The following IFNAR2 variants were observed in gnomAD, a reference collection of about 807,000 sequenced individuals.
IFNAR2 encodes the protein interferon alpha/beta receptor 2.
Under a neutral mutation model 49.4 loss-of-function variants are expected in IFNAR2, and 30 were observed. That is an observed-to-expected ratio of 0.61 (90% CI 0.45 to 0.82). IFNAR2 has a LOEUF of 0.82. Among genes scored for constraint, IFNAR2 ranks in the 40% least tolerant of loss-of-function variants. IFNAR2 has a pLI of 0.00. For synonymous variants in IFNAR2, 224 were observed against 234.5 expected, an observed-to-expected ratio of 0.96 and a Z score of 0.41; for missense variants, 600 against 622.7, an observed-to-expected ratio of 0.96 and a Z score of 0.39.
chr21:33,240,171 C>A (rs1986815477), intron 1 of IFNAR2, among the ~76,000 whole-genome samples: 1 of 152,184 alleles, frequency 6.6e-6, no homozygotes, highest in Non-Finnish European at 1.5e-5. Flanking sequence ...TCCTGCAACC[C>A]CTAATGATGT....
chr21:33,263,299 ATCGTC>A lies in IFNAR2; in HGVS notation c.1350_1354del (p.His452GlyfsTer5), dbSNP rs757279248. The A allele has an allele frequency of 6.2e-7, 1 of 1,614,186 alleles. No homozygotes were observed. Among genetic ancestry groups the A allele is most frequent in the South Asian group, 1.1e-5 (1 of 91,086 alleles). Reference sequence around the variant, plus strand: ...ACGACTTAGAAGCCCCTCTGATGCTATCGTCTCATCTGGAAGAGATGGTTGACCCA... The same window carrying A: ...ACGACTTAGAAGCCCCTCTGATGCTATCATCTGGAAGAGATGGTTGACCCA... On this transcript the variant is annotated frameshift_variant, in exon 9 of 9. Transcript: ENST00000342136. LOFTEE classifies it high-confidence loss of function.
intron 7 of IFNAR2, 103 bp from the exon 8 acceptor site, chr21:33,260,494 G>C: frequency 9.0e-7 from 1 of 1,115,504 alleles, no homozygotes; most frequent in Non-Finnish European, 1.3e-6. Context: ...CAAACCTTTG[G>C]TTTCTTGATC....
intron 7 of IFNAR2, among the ~76,000 whole-genome samples, chr21:33,256,693 G>T (rs1988229233): frequency 6.6e-6 from 1 of 152,134 alleles, no homozygotes; most frequent in Admixed American, 6.5e-5. Context: ...TCATTCATTT[G>T]ACAAATGTTT....
At chr21:33,248,896 G>T in intron 6 of IFNAR2, 42 bp downstream of exon 6, 1 of 1,359,298 alleles carries the variant, frequency 7.4e-7, no homozygotes, top group South Asian at 1.4e-5. Flanking sequence ...GTTCTGAGTG[G>T]GCAATCAATG....
chr21:33,248,731 T>G lies in IFNAR2; in HGVS notation c.417T>G (p.Phe139Leu). The change falls in exon 6 of 9, where the codon TTT becomes TTG. Residue 139 changes from phenylalanine (F) to leucine (L), a missense_variant. By Grantham distance (22) the Phe-to-Leu change is conservative (BLOSUM62 0). Transcript: ENST00000342136. ...AIDMSFEPPE[F>L]EIVGFTNHIN... ...CAGTGTCTTTTGAACCACCAGAGTT[T>G]GAGATTGTTGGTTTTACCAACCACA... The G allele has an allele frequency of 6.2e-7, 1 of 1,609,546 alleles. No homozygotes were observed. Among genetic ancestry groups the G allele is most frequent in the Non-Finnish European group, 8.5e-7 (1 of 1,178,396 alleles).
intron 3 of IFNAR2, 86 bp downstream of exon 3, chr21:33,243,800 T>C (rs887820710): frequency 9.3e-6 from 9 of 965,326 alleles, no homozygotes; most frequent in African/African-American, 8.0e-5. Flanking sequence ...ATGTGGGAGA[T>C]TTGATTTCTG....
chr21:33,235,928 AAAAAT>A (rs1030494335), intron 1 of IFNAR2, among the ~76,000 whole-genome samples: 9 of 152,286 alleles, frequency 5.9e-5, no homozygotes, highest in Non-Finnish European at 7.4e-5. Flanking sequence ...CTCTGTCTCA[AAAAAT>A]AAAATAAAAT....
chr21:33,236,777 T>A (rs1986494765), intron 1 of IFNAR2: 7 of 984,456 alleles, frequency 7.1e-6, no homozygotes, highest in Non-Finnish European at 8.4e-6. Context: ...ATAAAATGGT[T>A]AAGAATTTCA....
At position 33,245,052 on chromosome 21, in the gene IFNAR2, A is replaced by G. The variant is rs138445544; in HGVS notation, c.199A>G (p.Thr67Ala). 1.9e-5 allele frequency: 30 copies of G among 1,610,398 alleles called. No homozygotes were observed. The highest frequency in any genetic ancestry group is 2.3e-5 in the Non-Finnish European group (27 of 1,176,730). Residue 67 changes from threonine (T) to alanine (A), a missense_variant, in exon 4 of 9, where the codon ACA becomes GCA. Transcript: ENST00000342136. ...KNHSIVPTHY[T>A]LLYTIMSKPE... ...CCACTCCATTGTACCAACTCACTAT[A>G]CATTGCTGTATACAATCATGAGGTT...
intron 2 of IFNAR2, among the ~76,000 whole-genome samples, chr21:33,242,758 CGTGTGTGTGTGTGTGTGTGT>C (rs375640331): frequency 2.4e-4 from 18 of 76,574 alleles, no homozygotes; most frequent in South Asian, 9.7e-4. Context: ...ATCTCGTGTG[CGTGTGTGTGTGTGTGTGTGT>C]GTGTGTGTGT....
chr21:33,245,163 C>T lies in IFNAR2; in HGVS notation c.221+89C>T, dbSNP rs935285140. On this transcript the variant is annotated intron_variant, in intron 4 of 8. Coordinates refer to ENST00000342136, the MANE Select transcript of IFNAR2 (RefSeq NM_001289125.3). ...GATCTTTTCTCTCTCTCTGTCTCTC[C>T]CTCTCCCTTTTCCTATCTACCTCTC... The T allele has an allele frequency of 6.0e-6, 6 of 1,003,840 alleles. No individual in the cohort carries two copies. The South Asian group carries it at 7.1e-5, about 12-fold the overall frequency. 62.2% of individuals were successfully genotyped at this position (1,003,840 alleles called of 1,614,324 possible).
At chr21:33,252,122 CTGTCTATT>C (rs748300222) in intron 6 of IFNAR2, 13 of 414,094 alleles carry the variant, frequency 3.1e-5, no homozygotes. Context: ...CTATCTATAT[CTGTCTATT>C]GATAAAGGGA....
intron 5 of IFNAR2, among the ~76,000 whole-genome samples, chr21:33,247,902 C>T (rs2834161): frequency 0.66 from 101,058 of 152,076 alleles, 33,968 homozygotes; most frequent in African/African-American, 0.74. Context: ...AATTCGGATA[C>T]GACATTTGCT....
chr21:33,245,102 G>C, intron 4 of IFNAR2, 28 bp downstream of exon 4: 1 of 1,533,418 alleles, frequency 6.5e-7, no homozygotes. Context: ...TTTTCTCTTG[G>C]TAAACATATT....
At chr21:33,257,558 CGCTGATTGGTGCGTTTTAGAGT>C (rs967094278) in intron 7 of IFNAR2, among the ~76,000 whole-genome samples, 31 of 148,236 alleles carry the variant, frequency 2.1e-4, no homozygotes, top group Admixed American at 1.6e-3. Context: ...TTTTACAGAG[CGCTGATTGGTGCGTTTTAGAGT>C]GCTGATTGGT....
At chr21:33,252,609 C>T in intron 6 of IFNAR2, 53 bp from the exon 7 acceptor site, 2 of 1,576,796 alleles carry the variant, frequency 1.3e-6, no homozygotes, top group Non-Finnish European at 1.7e-6. Context: ...GAGATTAAGG[C>T]CTACCTCTAA....
chr21:33,246,216 G>T (rs1320570788), intron 4 of IFNAR2, among the ~76,000 whole-genome samples: 1 of 151,798 alleles, frequency 6.6e-6, no homozygotes, highest in Non-Finnish European at 1.5e-5. Context: ...GACTACAGGC[G>T]CCCGCCACCA....
intron 8 of IFNAR2, among the ~76,000 whole-genome samples, chr21:33,261,146 C>T (rs1988547205): frequency 7.0e-6 from 1 of 143,680 alleles, no homozygotes. Flanking sequence ...AAGCAATTCT[C>T]GTGCCTCAGC....
chr21:33,231,730 T>G lies in IFNAR2; in HGVS notation c.-84+1514T>G, dbSNP rs7281779. The G allele has an allele frequency of 8.4e-4, 818 of 979,188 alleles. 2 individuals are homozygous for G. Among genetic ancestry groups the G allele is most frequent in the South Asian group, 2.6e-3 (55 of 21,116 alleles). The allele number at this position is 979,188 out of a possible 1,614,324, so 60.7% of individuals were successfully genotyped here. On this transcript the variant is annotated intron_variant, in intron 1 of 8. Transcript: ENST00000342136. Reference sequence around the variant, plus strand: ...CGTTATCAATCATCATGTTTTGTTTTGTTTGGTTTGGTTTGGTTTGGTTTG... The same window carrying G: ...CGTTATCAATCATCATGTTTTGTTTGGTTTGGTTTGGTTTGGTTTGGTTTG...
Sources: gnomAD v4.1 joint callset for allele counts (sites outside exome capture counted in the v4.1 genomes callset) on GRCh38, gnomAD v4.1.1 for gene constraint, MANE v1.5 for transcripts, NCBI Gene and HGNC (gene_info 2026-07-23, HGNC 2026-07-21) for gene names.